Variants in RNF38 observed in about 807,000 individuals in gnomAD.
RNF38 encodes E3 ubiquitin-protein ligase RNF38.
Under a neutral mutation model 67.2 loss-of-function variants are expected in RNF38, and 15 were observed. The ratio of observed to expected loss-of-function variants is 0.22; its 90% CI spans 0.15 to 0.34. The LOEUF is 0.34. RNF38 is among the 10% of genes least tolerant of loss of function. The probability of loss-of-function intolerance (pLI) is 1.00; values close to 1 mark genes in which losing one functional copy is unlikely to be tolerated. For missense variants in RNF38, 524 were observed against 639.9 expected (o/e 0.82, Z 1.95); for synonymous variants, 220 against 218.8 (o/e 1.01, Z -0.05).
Position 36,369,898 on chromosome 9 carries a change from G to T in RNF38, c.391C>A (p.Arg131Ser). 6.2e-7 allele frequency: 1 copy of T among 1,613,202 alleles called. No individual in the cohort carries two copies. The highest frequency in any genetic ancestry group is 8.5e-7 in the Non-Finnish European group (1 of 1,180,012). ...CTAATGGAATTATGTCGAGACAGAC[G>T]ATCCCTTCTTCCTCTCTGGCGCCTG... is the stretch of plus-strand genomic sequence containing the variant. Reference protein sequence around the residue: ...PVRRQRGRRDRLSRHNSISQD... With the variant: ...PVRRQRGRRDSLSRHNSISQD... Residue 131 changes from arginine to serine, a missense_variant, in exon 4 of 12, where the codon CGT becomes AGT. Transcript: ENST00000259605.
intron 9 of RNF38, 124 bp from the exon 10 acceptor site, chr9:36,345,077 C>A: frequency 2.0e-6 from 2 of 1,003,604 alleles, no homozygotes; most frequent in Non-Finnish European, 2.8e-6. Context: ...TGTTCACAGG[C>A]ATGATCATTG....
At chr9:36,420,357 C>A (rs1838589153) in intron 2 of RNF38, among the ~76,000 whole-genome samples, 1 of 151,702 alleles carries the variant, frequency 6.6e-6, no homozygotes, top group Non-Finnish European at 1.5e-5. Flanking sequence ...ACAGTGAAAC[C>A]CCCTCTCTAC....
chr9:36,465,532 A>C (rs1226599908), intron 1 of RNF38, among the ~76,000 whole-genome samples: 1 of 152,020 alleles, frequency 6.6e-6, no homozygotes, highest in African/African-American at 2.4e-5. Flanking sequence ...TTTTATAGAG[A>C]CAGGGTTTCT....
At chr9:36,426,817 T>G (rs1040644511) in intron 1 of RNF38, among the ~76,000 whole-genome samples, 1 of 152,236 alleles carries the variant, frequency 6.6e-6, no homozygotes, top group African/African-American at 2.4e-5. Context: ...TGAACTTAGG[T>G]AAGTCACTTA....
At chr9:36,357,719 A>G (rs1377956715) in intron 5 of RNF38, 56 bp downstream of exon 5, 1 of 1,490,864 alleles carries the variant, frequency 6.7e-7, no homozygotes, top group Non-Finnish European at 9.3e-7. Context: ...ACAAAACCAA[A>G]TTCAGGCTGG....
intron 1 of RNF38, among the ~76,000 whole-genome samples, chr9:36,391,654 C>G (rs1837104242): frequency 6.7e-6 from 1 of 149,716 alleles, no homozygotes; most frequent in Admixed American, 6.6e-5. Flanking sequence ...TCGCTGTCGC[C>G]CAGGCTGGAG....
At chr9:36,406,508 A>C (rs920395076) in intron 2 of RNF38, among the ~76,000 whole-genome samples, 6 of 152,236 alleles carry the variant, frequency 3.9e-5, no homozygotes, top group Non-Finnish European at 5.9e-5. Context: ...AAATAGCATT[A>C]ATCATTCTGC....
chr9:36,411,126 T>C (rs1207127235), intron 2 of RNF38, among the ~76,000 whole-genome samples: 1 of 131,952 alleles, frequency 7.6e-6, no homozygotes, highest in Non-Finnish European at 1.6e-5. Flanking sequence ...GGGGTTAATA[T>C]CCAGAATATA....
At chr9:36,435,355 T>C (rs1381823466) in intron 1 of RNF38, among the ~76,000 whole-genome samples, 1 of 152,196 alleles carries the variant, frequency 6.6e-6, no homozygotes, top group Non-Finnish European at 1.5e-5. Context: ...GGTTGCCAAG[T>C]TGAAATGCAA....
upstream of RNF38, chr9:36,401,059 G>A (rs1032213791): frequency 1.6e-5 from 16 of 984,624 alleles, no homozygotes; most frequent in South Asian, 6.1e-4. Context: ...TCTTGGGTCC[G>A]GGTCGCCCGT....
At chr9:36,376,566 GA>G (rs1835799481) in intron 2 of RNF38, among the ~76,000 whole-genome samples, 1 of 152,020 alleles carries the variant, frequency 6.6e-6, no homozygotes, top group South Asian at 2.1e-4. Flanking sequence ...CCCTCAATTT[GA>G]TTCTAAATCA....
At chr9:36,381,466 A>G (rs1259284905) in intron 2 of RNF38, among the ~76,000 whole-genome samples, 1 of 152,182 alleles carries the variant, frequency 6.6e-6, no homozygotes, top group African/African-American at 2.4e-5. Flanking sequence ...AAATTATAGG[A>G]CCTAACAGAA....
At chr9:36,404,143 G>A (rs1001851233), upstream of RNF38, among the ~76,000 whole-genome samples, 5 of 152,146 alleles carry the variant, frequency 3.3e-5, no homozygotes, top group Non-Finnish European at 7.3e-5. Flanking sequence ...GGTGAGGAGG[G>A]AATCAAGTGC....
intron 1 of RNF38, among the ~76,000 whole-genome samples, chr9:36,454,487 C>T (rs1839536380): frequency 6.6e-6 from 1 of 151,678 alleles, no homozygotes; most frequent in South Asian, 2.1e-4. Context: ...CATTATTTCA[C>T]ATCTCAACAT....
At chr9:36,375,442 T>C (rs1835718244) in intron 3 of RNF38, among the ~76,000 whole-genome samples, 1 of 152,188 alleles carries the variant, frequency 6.6e-6, no homozygotes, top group Non-Finnish European at 1.5e-5. Flanking sequence ...TCCTCCCACT[T>C]TGGCTTCCCA....
intron 2 of RNF38, among the ~76,000 whole-genome samples, chr9:36,389,083 C>T (rs1836869664): frequency 6.6e-6 from 1 of 152,188 alleles, no homozygotes; most frequent in South Asian, 2.1e-4. Context: ...TCTAGATCCC[C>T]CTCCACCCCC....
chr9:36,423,271 T>C (rs1383629099), intron 2 of RNF38, among the ~76,000 whole-genome samples: 2 of 152,204 alleles, frequency 1.3e-5, no homozygotes, highest in South Asian at 2.1e-4. Flanking sequence ...TCTGGAATGC[T>C]ATAAGCTACC....
chr9:36,356,962 C>A (rs1406157437), intron 5 of RNF38, among the ~76,000 whole-genome samples: 1 of 152,168 alleles, frequency 6.6e-6, no homozygotes, highest in Non-Finnish European at 1.5e-5. Flanking sequence ...GTTTCTATTA[C>A]TGAGAAACTA....
intron 1 of RNF38, among the ~76,000 whole-genome samples, chr9:36,455,168 T>G (rs1839557683): frequency 6.6e-6 from 1 of 151,964 alleles, no homozygotes; most frequent in African/African-American, 2.4e-5. Flanking sequence ...CAAGTGATTC[T>G]CATGCCTCAG....
Sources: gnomAD v4.1 joint callset for allele counts (sites outside exome capture counted in the v4.1 genomes callset) on GRCh38, gnomAD v4.1.1 for gene constraint, MANE v1.5 for transcripts, NCBI Gene and HGNC (gene_info 2026-07-23, HGNC 2026-07-21) for gene names.